C2orf49: variants seen among roughly 807,000 people sequenced by gnomAD.
The protein encoded by C2orf49 is tRNA splicing ligase complex subunit 2, also known as tRNA-splicing ligase complex subunit ASW.
In C2orf49, 11 loss-of-function variants were observed where a neutral mutation model predicts 20.6. The ratio of observed to expected loss-of-function variants is 0.53; its 90% CI spans 0.34 to 0.88. The LOEUF is 0.88. C2orf49 is among the 40% of genes least tolerant of loss of function. The pLI, the probability that C2orf49 is intolerant of heterozygous loss-of-function variation, is 0.02. For missense variants in C2orf49, 289 were observed against 274.2 expected (o/e 1.05, Z -0.38); for synonymous variants, 134 against 108.5 (o/e 1.24, Z -1.46).
the C2orf49 span, among the ~76,000 whole-genome samples, chr2:105,382,693 A>AT: frequency 0.017 from 2,505 of 149,578 alleles, 82 homozygotes; most frequent in African/African-American, 0.059. Flanking sequence ...CTTGTTTATT[A>AT]TTTTTTTTTT....
rs375250807 is a variant in C2orf49 at position 105,343,057 on chromosome 2, C to T, written c.476C>T (p.Pro159Leu). The stretch of plus-strand genomic sequence containing the variant: ...CCCCTAATTTTGTCTTCCAATTTGC[C>T]TGTGAACAATAAAACGGAACACAAT... ...VSPLILSSNL[P>L]VNNKTEHNNN... Residue 159 changes from proline to leucine, a missense_variant, in exon 3 of 4, where the codon CCT becomes CTT. Transcript: ENST00000258457. The T allele has an allele frequency of 1.5e-5, 24 of 1,614,106 alleles. No homozygotes were observed. Among genetic ancestry groups the T allele is most frequent in the Non-Finnish European group, 1.9e-5 (23 of 1,180,052 alleles).
At chr2:105,363,009 G>A in the C2orf49 span, 1 of 401,726 alleles carries the variant, frequency 2.5e-6, no homozygotes, top group South Asian at 3.9e-5. Context: ...CTCACAGACT[G>A]CAGTTTTAGC....
chr2:105,357,868 T>C, the C2orf49 span: 1 of 152,198 alleles, frequency 6.6e-6, no homozygotes, highest in Non-Finnish European at 1.5e-5. Flanking sequence ...GTTCAGCCAG[T>C]GTTTGGTCAG....
chr2:105,363,122 G>A, the C2orf49 span: 1 of 636,012 alleles, frequency 1.6e-6, no homozygotes, highest in African/African-American at 1.8e-5. Context: ...AGCATAGCCA[G>A]TGCACCAAGG....
At chr2:105,379,457 A>G in the C2orf49 span, among the ~76,000 whole-genome samples, 1 of 152,146 alleles carries the variant, frequency 6.6e-6, no homozygotes, top group Non-Finnish European at 1.5e-5. Context: ...TTTCATTTTA[A>G]ATCTAAAATT....
chr2:105,383,099 T>A, the C2orf49 span, among the ~76,000 whole-genome samples: 4 of 152,246 alleles, frequency 2.6e-5, no homozygotes, highest in Non-Finnish European at 5.9e-5. Flanking sequence ...TTGGCCAGGC[T>A]GGTCTCCAGC....
chr2:105,367,720 G>A, the C2orf49 span: 4 of 1,614,040 alleles, frequency 2.5e-6, no homozygotes, highest in Non-Finnish European at 2.5e-6. Context: ...TGCTGCCCTT[G>A]TACTCCATCT....
At chr2:105,356,936 CT>C in the C2orf49 span, among the ~76,000 whole-genome samples, 2 of 151,898 alleles carry the variant, frequency 1.3e-5, no homozygotes, top group Non-Finnish European at 1.5e-5. Flanking sequence ...ACCATTAACT[CT>C]TTTTTTCTTT....
intron 2 of C2orf49, 61 bp from the exon 3 acceptor site, chr2:105,342,787 C>A: frequency 6.6e-7 from 1 of 1,510,772 alleles, no homozygotes; most frequent in Non-Finnish European, 8.9e-7. Context: ...AACTTGAATC[C>A]CAGTGAACTG....
At chr2:105,367,566 A>G in the C2orf49 span, 2 of 1,609,714 alleles carry the variant, frequency 1.2e-6, no homozygotes, top group Non-Finnish European at 1.7e-6. Flanking sequence ...GGCATCTGAG[A>G]TACCTTTTTG....
the C2orf49 span, among the ~76,000 whole-genome samples, chr2:105,382,465 CT>C: frequency 6.6e-6 from 1 of 152,230 alleles, no homozygotes; most frequent in Non-Finnish European, 1.5e-5. Flanking sequence ...CCCTTTAACC[CT>C]TGGCAAGATC....
At chr2:105,379,341 C>T in the C2orf49 span, among the ~76,000 whole-genome samples, 1 of 152,208 alleles carries the variant, frequency 6.6e-6, no homozygotes, top group East Asian at 1.9e-4. Flanking sequence ...CAATGTGTCA[C>T]TTGCTGAACC....
chr2:105,350,342 A>G (rs1679905735), downstream of C2orf49, among the ~76,000 whole-genome samples: 1 of 152,220 alleles, frequency 6.6e-6, no homozygotes, highest in African/African-American at 2.4e-5. Flanking sequence ...GAAAACGGGC[A>G]GTGGTAGTAT....
the C2orf49 span, chr2:105,361,327 CTG>C: frequency 6.2e-7 from 1 of 1,614,174 alleles, no homozygotes; most frequent in African/African-American, 1.3e-5. Context: ...TCGTCCCTCT[CTG>C]TGAGGAAGCC....
Position 105,345,530 on chromosome 2 carries a change from T to A in C2orf49, c.*159T>A. ...AAAGGATTTATTTTCCTTCCCTTCT[T>A]CCCTCCCTCCCTTCCTTTTTTAAAA... On this transcript the variant is annotated 3_prime_UTR_variant, in exon 4 of 4. Coordinates refer to ENST00000258457, the MANE Select transcript of C2orf49 (RefSeq NM_024093.3). 1.6e-6 allele frequency: 1 copy of A among 640,654 alleles called. No individual in the cohort carries two copies. Among genetic ancestry groups the A allele is most frequent in the South Asian group, 2.1e-5 (1 of 48,448 alleles). 39.7% of individuals were successfully genotyped at this position (640,654 alleles called of 1,614,324 possible). A position where few individuals can be genotyped will look rare whatever the true frequency, so the allele number is the denominator to read the frequency against.
At position 105,337,700 on chromosome 2, in the gene C2orf49, GATCGGA is replaced by G; in HGVS notation, c.99+15_99+20del. 1.1e-6 allele frequency: 1 copy of G among 909,736 alleles called. No homozygotes were observed. The highest frequency in any genetic ancestry group is 1.5e-5 in the South Asian group (1 of 64,668). The allele number at this position is 909,736 out of a possible 1,614,324, so 56.4% of individuals were successfully genotyped here. A position where few individuals can be genotyped will look rare whatever the true frequency, so the allele number is the denominator to read the frequency against. ...ACTCTGGAGCAGGTTGGGCGCGCCG[GATCGGA>G]GGGTGGGCGGGTGGGCCTTCCCAGG... On this transcript the variant is annotated intron_variant, in intron 1 of 3. Coordinates refer to ENST00000258457, the MANE Select transcript of C2orf49 (RefSeq NM_024093.3).
the C2orf49 span, chr2:105,373,621 G>T: frequency 6.2e-7 from 1 of 1,614,102 alleles, no homozygotes; most frequent in South Asian, 1.1e-5. Flanking sequence ...ATAGCAGTCT[G>T]TACAGAGCAG....
At chr2:105,350,020 C>G (rs1679899872), downstream of C2orf49, among the ~76,000 whole-genome samples, 1 of 152,176 alleles carries the variant, frequency 6.6e-6, no homozygotes, top group South Asian at 2.1e-4. Context: ...AAAGCCCAGG[C>G]ATACCCACTG....
rs764545446 is a variant in C2orf49, at chr2:105,342,918, A to G, written c.337A>G (p.Ile113Val). 19 of 1,614,130 alleles carry G rather than the reference A, an allele frequency of 1.2e-5. No homozygotes were observed. Among genetic ancestry groups the G allele is most frequent in the Middle Eastern group, 1.6e-4 (1 of 6,084 alleles). ...TGATGGAAGTTCAACAAGTACAAGCATAAAAGTGAAAAAGACAGAGAATGG... is the reference window on the plus strand; with the variant it reads ...TGATGGAAGTTCAACAAGTACAAGCGTAAAAGTGAAAAAGACAGAGAATGG... ...VFDGSSTSTS[I>V]KVKKTENGDN... The change falls in exon 3 of 4, where the codon ATA becomes GTA. Residue 113 changes from isoleucine (I) to valine (V), a missense_variant. Transcript: ENST00000258457.
Sources: gnomAD v4.1 joint callset for allele counts (sites outside exome capture counted in the v4.1 genomes callset) on GRCh38, gnomAD v4.1.1 for gene constraint, MANE v1.5 for transcripts, NCBI Gene and HGNC (gene_info 2026-07-23, HGNC 2026-07-21) for gene names.